Variants in RAI1 observed in about 807,000 individuals in gnomAD.
The protein encoded by RAI1 is retinoic acid induced 1.
A neutral mutation model predicts 123.8 loss-of-function variants in RAI1; 9 were observed. The ratio of observed to expected loss-of-function variants is 0.07; its 90% CI spans 0.04 to 0.13. The LOEUF (loss-of-function observed/expected upper bound fraction) is 0.13, where lower values mean the gene tolerates loss of function less well. Among genes scored for constraint, RAI1 ranks in the 10% least tolerant of loss-of-function variants. The probability of loss-of-function intolerance (pLI) is 1.00; values close to 1 mark genes in which losing one functional copy is unlikely to be tolerated. For synonymous variants in RAI1, 1,231 were observed against 1,127.3 expected (o/e 1.09, Z -1.84); for missense variants, 2,256 against 2,545.8 (o/e 0.89, Z 2.45).
rs1264876711 is a variant in RAI1, at chr17:17,799,200, C to T, written c.5565+687C>T. ...CCGCCATGCACCTTTGGGGCTGTGACCTGCCCTCTCTGTGCCTCCGTCCCC... is the reference window on the plus strand; with the variant it reads ...CCGCCATGCACCTTTGGGGCTGTGATCTGCCCTCTCTGTGCCTCCGTCCCC... On this transcript the variant is annotated intron_variant, in intron 3 of 5. Transcript: ENST00000353383. This position sits in a 1 kb window ranked among gnomAD's most constrained non-coding sequence, Gnocchi z 4.5. 6.6e-6 allele frequency among the ~76,000 whole-genome samples: 1 copy of T among 152,204 alleles called. No individual in the cohort carries two copies. Among genetic ancestry groups the T allele is most frequent in the Non-Finnish European group, 1.5e-5 (1 of 68,034 alleles).
At chr17:17,691,406 G>A (rs150462217) in intron 1 of RAI1, among the ~76,000 whole-genome samples, 124 of 152,370 alleles carry the variant, frequency 8.1e-4, no homozygotes, top group Non-Finnish European at 1.7e-3. Context: ...AGCATAGAGC[G>A]TGGTAGGTGA....
chr17:17,810,205 A>AC lies in RAI1; in HGVS notation c.*226dup. 1.6e-6 allele frequency: 1 copy of AC among 638,942 alleles called. No individual in the cohort carries two copies. The highest frequency in any genetic ancestry group is 2.6e-6 in the Non-Finnish European group (1 of 385,670). 39.6% of individuals were successfully genotyped at this position (638,942 alleles called of 1,614,324 possible). A position where few individuals can be genotyped will look rare whatever the true frequency, so the allele number is the denominator to read the frequency against. On this transcript the variant is annotated 3_prime_UTR_variant, in exon 6 of 6. Transcript: ENST00000353383. The surrounding 1 kb of genome is among the most constrained non-coding windows in gnomAD (Gnocchi z 4.6). Reference sequence around the variant, plus strand: ...CGTTCCGGAGCCGCCTGCTCCCGGAACCGGACGGCACAGGGCGTTCTTGCC... The same window carrying AC: ...CGTTCCGGAGCCGCCTGCTCCCGGAACCCGGACGGCACAGGGCGTTCTTGCC...
Position 17,796,746 on chromosome 17 carries a change from C to T in RAI1, c.3798C>T (p.Ser1266=). 6.2e-7 allele frequency: 1 copy of T among 1,613,434 alleles called. No individual in the cohort carries two copies. The highest frequency in any genetic ancestry group is 8.5e-7 in the Non-Finnish European group (1 of 1,179,880). The stretch of plus-strand genomic sequence containing the variant: ...GGAAGGAGGAGAGGCCTGAGGGTTC[C>T]CCCACCCTCTTCAAGAGGATGTCTT... The part of the protein sequence containing the change: ...GDGKEERPEG[S]PTLFKRMSSP... The change falls in exon 3 of 6, where the codon TCC becomes TCT. Residue 1266 remains serine (S), a synonymous_variant. Coordinates refer to ENST00000353383, the MANE Select transcript of RAI1 (RefSeq NM_030665.4). The surrounding 1 kb of genome is among the most constrained non-coding windows in gnomAD (Gnocchi z 5.8).
intron 4 of RAI1, among the ~76,000 whole-genome samples, chr17:17,804,534 A>G (rs758545795): frequency 4.5e-4 from 69 of 152,106 alleles, no homozygotes; most frequent in Non-Finnish European, 8.7e-4. Context: ...GCTCAGAGAC[A>G]TTCCTTATTT....
At chr17:17,695,900 A>AT (rs1181771661) in intron 1 of RAI1, among the ~76,000 whole-genome samples, 5 of 152,138 alleles carry the variant, frequency 3.3e-5, no homozygotes, top group Admixed American at 1.3e-4. Context: ...GCTAAATTGA[A>AT]TGTCGGCCTT....
In RAI1 at chr17:17,685,638, T is replaced by G. The variant is rs1415553826; in HGVS notation, c.-149+3845T>G. On this transcript the variant is annotated intron_variant, in intron 1 of 5. Transcript: ENST00000353383. The surrounding 1 kb of genome is among the most constrained non-coding windows in gnomAD (Gnocchi z 4.0). ...GGACCTCCTCACTGGCCTCCCTGCC[T>G]CCATCCTGTCCCCTCCCAGGTGCTG... is the stretch of plus-strand genomic sequence containing the variant. Among the ~76,000 whole-genome samples the G allele has an allele frequency of 6.6e-6, 1 of 152,130 alleles. No homozygotes were observed. The highest frequency in any genetic ancestry group is 1.9e-4 in the East Asian group (1 of 5,188).
intron 1 of RAI1, among the ~76,000 whole-genome samples, chr17:17,709,979 G>A (rs1242350505): frequency 2.6e-5 from 4 of 152,072 alleles, no homozygotes; most frequent in Non-Finnish European, 5.9e-5. Flanking sequence ...CACAGTACAC[G>A]GACATGCTCA....
rs1368216665 is a variant in RAI1, at chr17:17,683,256, G to C, written c.-149+1463G>C. On this transcript the variant is annotated intron_variant, in intron 1 of 5. Transcript: ENST00000353383. ...GTCTGCTGCCCTGGGAGGAGAGGCG[G>C]GGGTGGGTTAGGCTAGCTCTGATGT... Among the ~76,000 whole-genome samples, 6 of 152,094 alleles carry C rather than the reference G, an allele frequency of 3.9e-5. No homozygotes were observed. The East Asian group carries it at 1.2e-3, about 29-fold the overall frequency.
chr17:17,767,935 A>G (rs537584430), intron 2 of RAI1, among the ~76,000 whole-genome samples: 2 of 152,212 alleles, frequency 1.3e-5, no homozygotes, highest in East Asian at 3.9e-4. Flanking sequence ...GCACTTTCCC[A>G]TCTCGTGATC....
chr17:17,712,962 G>A (rs1179969167), intron 1 of RAI1, among the ~76,000 whole-genome samples: 1 of 152,030 alleles, frequency 6.6e-6, no homozygotes, highest in Non-Finnish European at 1.5e-5. Context: ...ACAGACAGGA[G>A]GTGAGCAATT....
At chr17:17,765,523 A>T (rs1004740621) in intron 2 of RAI1, among the ~76,000 whole-genome samples, 3 of 152,288 alleles carry the variant, frequency 2.0e-5, no homozygotes, top group Non-Finnish European at 2.9e-5. Flanking sequence ...GGCAAGACGT[A>T]GGCCTTACTG....
At chr17:17,804,175 A>C (rs2032551840) in intron 4 of RAI1, 4 of 408,230 alleles carry the variant, frequency 9.8e-6, no homozygotes, top group South Asian at 8.6e-5. Context: ...CTCAGAGAGA[A>C]AGGGGTATTG....
At chr17:17,789,640 C>T (rs927788948) in intron 2 of RAI1, among the ~76,000 whole-genome samples, 3 of 152,168 alleles carry the variant, frequency 2.0e-5, no homozygotes, top group Admixed American at 2.0e-4. Flanking sequence ...TGGCCTGCCT[C>T]CTCTGTCCAG....
Position 17,793,768 on chromosome 17 carries a change from C to T in RAI1, c.820C>T (p.Leu274Phe). The T allele has an allele frequency of 1.2e-6, 2 of 1,607,882 alleles. No homozygotes were observed. Among genetic ancestry groups the T allele is most frequent in the Non-Finnish European group, 1.7e-6 (2 of 1,179,414 alleles). The change falls in exon 3 of 6, where the codon CTC becomes TTC. Residue 274 changes from leucine to phenylalanine, a missense_variant. Physicochemically the swap from Leu to Phe is conservative, Grantham distance 22. This residue lies in a region of RAI1 where 357 missense variants were observed against 480.2 expected (regional missense o/e 0.74). Transcript: ENST00000353383. ...QNLHAYQSGRLSYDQQQQQQQ... is the reference protein window; with the variant it reads ...QNLHAYQSGRFSYDQQQQQQQ... ...TCTTCATGCCTACCAGTCGGGCCGC[C>T]TCAGCTATGACCAGCAGCAGCAGCA...
rs748181358 is a variant in RAI1 at position 17,810,766 on chromosome 17, A to G, written c.*785A>G. 2.2e-6 allele frequency: 1 copy of G among 452,480 alleles called. No homozygotes were observed. The highest frequency in any genetic ancestry group is 1.6e-5 in the South Asian group (1 of 64,300). 28.0% of individuals were successfully genotyped at this position (452,480 alleles called of 1,614,324 possible). ...CCCCACCCCTGGAGCCCAGCCTGGGAGCGCAAAACCCAAGAAGCGGCCAGA... is the reference window on the plus strand; with the variant it reads ...CCCCACCCCTGGAGCCCAGCCTGGGGGCGCAAAACCCAAGAAGCGGCCAGA... On this transcript the variant is annotated 3_prime_UTR_variant, in exon 6 of 6. Coordinates refer to ENST00000353383, the MANE Select transcript of RAI1 (RefSeq NM_030665.4). The surrounding 1 kb of genome is among the most constrained non-coding windows in gnomAD (Gnocchi z 4.6).
In RAI1 at chr17:17,724,041, C is replaced by T. The variant is rs928207455; in HGVS notation, c.-135C>T. 2.1e-5 allele frequency: 3 copies of T among 139,748 alleles called. No individual in the cohort carries two copies. The highest frequency in any genetic ancestry group is 7.9e-5 in the African/African-American group (3 of 37,764). The allele number at this position is 139,748 out of a possible 1,614,324, so 8.7% of individuals were successfully genotyped here. A position where few individuals can be genotyped will look rare whatever the true frequency, so the allele number is the denominator to read the frequency against. ...GTTTCTCCCAAGGATCTCATCTGGC[C>T]ACCGCGTTCTGGAAGAGGCGAGAGG... is the stretch of plus-strand genomic sequence containing the variant. On this transcript the variant is annotated 5_prime_UTR_variant, in exon 2 of 6. Transcript: ENST00000353383.
At chr17:17,737,288 CAG>C (rs911544411) in intron 2 of RAI1, among the ~76,000 whole-genome samples, 5 of 152,144 alleles carry the variant, frequency 3.3e-5, no homozygotes, top group African/African-American at 1.2e-4. Flanking sequence ...GGGAGGGTCT[CAG>C]GGGCCCAGAG....
chr17:17,714,113 CCTT>C lies in RAI1; in HGVS notation c.-148-9913_-148-9911del, dbSNP rs1915644174. On this transcript the variant is annotated intron_variant, in intron 1 of 5. Coordinates refer to ENST00000353383, the MANE Select transcript of RAI1 (RefSeq NM_030665.4). The surrounding 1 kb of genome is among the most constrained non-coding windows in gnomAD (Gnocchi z 4.9). ...CTCACCACCTCCCGAGCAGCTCCCT[CCTT>C]CCATTTCTGGGCAGCCCTGCCTGCT... Among the ~76,000 whole-genome samples the C allele has an allele frequency of 6.6e-6, 1 of 152,154 alleles. No individual in the cohort carries two copies. The highest frequency in any genetic ancestry group is 1.5e-5 in the Non-Finnish European group (1 of 68,020).
intron 2 of RAI1, among the ~76,000 whole-genome samples, chr17:17,739,919 T>C (rs1010832468): frequency 6.6e-6 from 1 of 152,086 alleles, no homozygotes; most frequent in Non-Finnish European, 1.5e-5. Flanking sequence ...GCTCGGCCCT[T>C]CCCCCAAGCA....
Sources: gnomAD v4.1 joint callset for allele counts (sites outside exome capture counted in the v4.1 genomes callset) on GRCh38, gnomAD v4.1.1 for gene constraint, gnomAD v4.1.1 regional missense constraint, Gnocchi (gnomAD v3.1) non-coding constraint, MANE v1.5 for transcripts, NCBI Gene and HGNC (gene_info 2026-07-23, HGNC 2026-07-21) for gene names.